Variants in PGM5 observed in about 807,000 individuals in gnomAD.
PGM5 encodes phosphoglucomutase-like protein 5.
A neutral mutation model predicts 59.2 loss-of-function variants in PGM5; 23 were observed. The ratio of observed to expected loss-of-function variants is 0.39; its 90% CI spans 0.28 to 0.55. The LOEUF is 0.55. PGM5 is among the 20% of genes least tolerant of loss of function. The pLI is 0.66. For missense variants in PGM5, 574 were observed against 748.3 expected (o/e 0.77, Z 2.72); for synonymous variants, 214 against 286.0 (o/e 0.75, Z 2.54).
In PGM5 at chr9:68,386,629, G is replaced by A. The variant is rs547680833; in HGVS notation, c.572-834G>A. 6.6e-4 allele frequency among the ~76,000 whole-genome samples: 100 copies of A among 150,820 alleles called. 2 individuals carry two copies. The East Asian group carries it at 0.016, about 24-fold the overall frequency. ...TTTGAAAAATCTGAAAACAATATAC[G>A]TAAGTTTCAAAATTTAGCTATGAAT... On this transcript the variant is annotated intron_variant, in intron 3 of 10. Coordinates refer to ENST00000396396, the MANE Select transcript of PGM5 (RefSeq NM_021965.4).
At chr9:68,486,418 A>G (rs1407710661) in intron 9 of PGM5, among the ~76,000 whole-genome samples, 2 of 152,180 alleles carry the variant, frequency 1.3e-5, no homozygotes. Flanking sequence ...TGTGCTCTTT[A>G]GCTGTCATCT....
intron 6 of PGM5, among the ~76,000 whole-genome samples, chr9:68,423,650 T>TC (rs1185026866): frequency 3.3e-5 from 3 of 90,502 alleles, no homozygotes; most frequent in African/African-American, 1.1e-4. Context: ...TCTCTCTCTC[T>TC]CTCTGTCTCT....
chr9:68,373,876 C>T (rs1554677341), intron 1 of PGM5, among the ~76,000 whole-genome samples: 1 of 152,174 alleles, frequency 6.6e-6, no homozygotes, highest in African/African-American at 2.4e-5. Context: ...CACATGATTA[C>T]CTGTACTGAA....
chr9:68,416,133 G>A (rs1416745561), intron 6 of PGM5, among the ~76,000 whole-genome samples: 1 of 152,134 alleles, frequency 6.6e-6, no homozygotes, highest in Non-Finnish European at 1.5e-5. Flanking sequence ...TTCCACAAAT[G>A]CTCTGCTTAT....
intron 3 of PGM5, among the ~76,000 whole-genome samples, chr9:68,385,218 A>G (rs1822185095): frequency 1.3e-5 from 2 of 148,300 alleles, no homozygotes; most frequent in Admixed American, 6.7e-5. Context: ...CAACATTAAT[A>G]ACATGTATGT....
intron 6 of PGM5, chr9:68,394,191 C>A (rs1554679778): frequency 1.3e-5 from 2 of 152,090 alleles, no homozygotes; most frequent in Non-Finnish European, 2.9e-5. Flanking sequence ...GATGTACACA[C>A]TTTTCAAAAC....
rs185067676 is a variant in PGM5 at position 68,514,425 on chromosome 9, A to C, written c.1614+15064A>C. Reference sequence around the variant, plus strand: ...GAGACCAGCCTGGCCAACATGGTGAAACCCCTTCTCTACTAAAAATATAAA... The same window carrying C: ...GAGACCAGCCTGGCCAACATGGTGACACCCCTTCTCTACTAAAAATATAAA... On this transcript the variant is annotated intron_variant, in intron 10 of 10. Transcript: ENST00000396396. Among the ~76,000 whole-genome samples the C allele has an allele frequency of 4.2e-3, 642 of 152,186 alleles. 2 individuals are homozygous for C. Among genetic ancestry groups the C allele is most frequent in the Non-Finnish European group, 6.9e-3 (468 of 67,996 alleles).
chr9:68,412,756 T>C (rs1342859820), intron 6 of PGM5, among the ~76,000 whole-genome samples: 7 of 152,248 alleles, frequency 4.6e-5, no homozygotes, highest in Non-Finnish European at 7.3e-5. Flanking sequence ...CTTTCTTTTA[T>C]AGGGCCATGT....
intron 6 of PGM5, among the ~76,000 whole-genome samples, chr9:68,403,344 G>A (rs1294410366): frequency 3.9e-5 from 6 of 152,018 alleles, no homozygotes; most frequent in Admixed American, 3.9e-4. Context: ...TCTACATTAT[G>A]GTGTGTTGTA....
At chr9:68,521,358 T>C (rs1280711027) in intron 10 of PGM5, among the ~76,000 whole-genome samples, 1 of 152,204 alleles carries the variant, frequency 6.6e-6, no homozygotes. Context: ...CAGTGAGGAC[T>C]GAGAACACTG....
At chr9:68,393,470 G>A (rs1301721881) in intron 6 of PGM5, among the ~76,000 whole-genome samples, 38 of 152,188 alleles carry the variant, frequency 2.5e-4, no homozygotes, top group African/African-American at 8.9e-4. Context: ...TTTTGGCCGG[G>A]CGTGGCGACT....
intron 7 of PGM5, among the ~76,000 whole-genome samples, chr9:68,468,334 C>G (rs1823968710): frequency 6.6e-6 from 1 of 152,088 alleles, no homozygotes; most frequent in African/African-American, 2.4e-5. Flanking sequence ...ATATTGTATA[C>G]AATAATTCTG....
At chr9:68,510,274 C>G (rs561653694) in intron 10 of PGM5, among the ~76,000 whole-genome samples, 1 of 151,796 alleles carries the variant, frequency 6.6e-6, no homozygotes, top group African/African-American at 2.4e-5. Flanking sequence ...GCCTCAGCCT[C>G]CCAAGTAGCT....
chr9:68,479,286 A>C (rs959662011), intron 7 of PGM5, 132 bp from the exon 8 acceptor site: 2 of 747,338 alleles, frequency 2.7e-6, no homozygotes, highest in Non-Finnish European at 2.2e-6. Flanking sequence ...GGAGACATAT[A>C]TTTAATATAA....
intron 10 of PGM5, among the ~76,000 whole-genome samples, chr9:68,524,492 G>GA (rs1824944029): frequency 6.6e-6 from 1 of 152,096 alleles, no homozygotes; most frequent in African/African-American, 2.4e-5. Context: ...ACTGGAATTA[G>GA]AAAAAACAAT....
chr9:68,469,976 C>G (rs1004686111), intron 7 of PGM5, among the ~76,000 whole-genome samples: 4 of 152,068 alleles, frequency 2.6e-5, no homozygotes, highest in African/African-American at 9.7e-5. Flanking sequence ...AACAAAATCA[C>G]ACAAATACAG....
In PGM5 at chr9:68,479,544, A is replaced by G. The variant is rs1021962490; in HGVS notation, c.1286A>G (p.Tyr429Cys). ...CACTGGGCCAAATTTGGCCGCCACT[A>G]CTATTGCAGGTGAGGAGAAGGGGAA... is the stretch of plus-strand genomic sequence containing the variant. ...RDHWAKFGRH[Y>C]YCRFDYEGLD... Residue 429 changes from tyrosine (Y) to cysteine (C), a missense_variant, in exon 8 of 11, where the codon TAC becomes TGC. Transcript: ENST00000396396. 14 of 1,613,866 alleles carry G rather than the reference A, an allele frequency of 8.7e-6. No homozygotes were observed. Among genetic ancestry groups the G allele is most frequent in the African/African-American group, 1.3e-5 (1 of 74,880 alleles).
intron 9 of PGM5, 83 bp downstream of exon 9, chr9:68,484,131 A>T: frequency 8.2e-7 from 1 of 1,218,840 alleles, no homozygotes; most frequent in Non-Finnish European, 1.2e-6. Context: ...GTCCTTAGGG[A>T]TGATCTAAGG....
At chr9:68,423,463 G>A (rs1823176409) in intron 6 of PGM5, among the ~76,000 whole-genome samples, 1 of 152,200 alleles carries the variant, frequency 6.6e-6, no homozygotes, top group East Asian at 1.9e-4. Context: ...ACCTGAATTT[G>A]AAAGAGTAAA....
Sources: allele counts gnomAD v4.1 joint callset (sites outside exome capture counted in the v4.1 genomes callset), GRCh38; gene constraint gnomAD v4.1.1; transcripts MANE v1.5; gene names NCBI Gene and HGNC (gene_info 2026-07-23, HGNC 2026-07-21).